Variants in AMBRA1 observed in about 807,000 individuals in gnomAD.
AMBRA1 encodes the protein autophagy and beclin 1 regulator 1.
In AMBRA1, 47 loss-of-function variants were observed where a neutral mutation model predicts 125.4. The observed-to-expected ratio is 0.37, with a 90% CI of 0.30 to 0.48. The LOEUF (loss-of-function observed/expected upper bound fraction) is 0.48, where lower values mean the gene tolerates loss of function less well. Ranked by LOEUF, AMBRA1 falls within the 20% of genes least tolerant of loss-of-function variation. The probability of loss-of-function intolerance (pLI) is 0.99; values close to 1 mark genes in which losing one functional copy is unlikely to be tolerated. For synonymous variants in AMBRA1, 626 were observed against 655.5 expected (o/e 0.95, Z 0.69); for missense variants, 1,331 against 1,693.4 (o/e 0.79, Z 3.76).
chr11:46,526,846 T>C (rs1454716912), intron 7 of AMBRA1, among the ~76,000 whole-genome samples: 1 of 152,252 alleles, frequency 6.6e-6, no homozygotes, highest in East Asian at 1.9e-4. Context: ...TGTAAAACTT[T>C]CAAGCTAGGC....
intron 12 of AMBRA1, among the ~76,000 whole-genome samples, chr11:46,437,714 C>A (rs1947795210): frequency 6.6e-6 from 1 of 152,186 alleles, no homozygotes; most frequent in Non-Finnish European, 1.5e-5. Flanking sequence ...GAAGAGATTT[C>A]TTGGATCTCA....
At chr11:46,551,168 A>C (rs926304017) in intron 1 of AMBRA1, among the ~76,000 whole-genome samples, 1 of 152,110 alleles carries the variant, frequency 6.6e-6, no homozygotes, top group Non-Finnish European at 1.5e-5. Flanking sequence ...GTACAAAACA[A>C]TATATCGAGT....
chr11:46,409,781 G>A (rs1351210979), intron 16 of AMBRA1, among the ~76,000 whole-genome samples: 1 of 152,240 alleles, frequency 6.6e-6, no homozygotes, highest in African/African-American at 2.4e-5. Flanking sequence ...AGTAGCAATT[G>A]CTTTGGGTTT....
chr11:46,467,066 G>A (rs1207656658), intron 11 of AMBRA1, among the ~76,000 whole-genome samples: 4 of 151,734 alleles, frequency 2.6e-5, no homozygotes, highest in East Asian at 3.9e-4. Context: ...TAAGGTGCAC[G>A]CCACCACACC....
intron 7 of AMBRA1, among the ~76,000 whole-genome samples, chr11:46,515,275 C>A (rs953227992): frequency 3.3e-5 from 5 of 152,148 alleles, no homozygotes; most frequent in Admixed American, 3.3e-4. Flanking sequence ...GAGTTCAAGA[C>A]CAGCCTGGGC....
chr11:46,469,799 G>C (rs1413671744), intron 11 of AMBRA1, among the ~76,000 whole-genome samples: 1 of 151,368 alleles, frequency 6.6e-6, no homozygotes, highest in East Asian at 1.9e-4. Flanking sequence ...TGAGTAGCTA[G>C]GATTACAGGC....
At chr11:46,571,271 C>A (rs1287227937) in intron 1 of AMBRA1, among the ~76,000 whole-genome samples, 1 of 152,138 alleles carries the variant, frequency 6.6e-6, no homozygotes, top group African/African-American at 2.4e-5. Flanking sequence ...CCAAAAATAA[C>A]CCTGTAATTT....
chr11:46,583,322 C>A (rs2044243530), intron 1 of AMBRA1, among the ~76,000 whole-genome samples: 1 of 151,476 alleles, frequency 6.6e-6, no homozygotes, highest in African/African-American at 2.4e-5. Flanking sequence ...AACTGGATCC[C>A]TTCCTTACAC....
At chr11:46,512,897 T>C (rs1951319222) in intron 7 of AMBRA1, 84 bp from the exon 8 acceptor site, 6 of 1,292,194 alleles carry the variant, frequency 4.6e-6, no homozygotes, top group African/African-American at 3.0e-5. Context: ...GGGAGAGATA[T>C]ATAACTTTCC....
intron 11 of AMBRA1, among the ~76,000 whole-genome samples, chr11:46,461,140 G>C (rs1343469710): frequency 6.6e-6 from 1 of 152,178 alleles, no homozygotes; most frequent in African/African-American, 2.4e-5. Flanking sequence ...CTATTTAGGA[G>C]GCTGAGGTGG....
At chr11:46,488,068 G>A (rs530350812) in intron 11 of AMBRA1, among the ~76,000 whole-genome samples, 2 of 152,222 alleles carry the variant, frequency 1.3e-5, no homozygotes, top group South Asian at 4.1e-4. Flanking sequence ...GACAGAGAGG[G>A]ACAATGGTAA....
At chr11:46,496,780 T>C in intron 9 of AMBRA1, among the ~76,000 whole-genome samples, 1 of 151,900 alleles carries the variant, frequency 6.6e-6, no homozygotes. Flanking sequence ...TATAATTTCT[T>C]TCTGATTCAG....
chr11:46,582,817 G>C (rs1266654203), intron 1 of AMBRA1, among the ~76,000 whole-genome samples: 1 of 151,878 alleles, frequency 6.6e-6, no homozygotes, highest in Non-Finnish European at 1.5e-5. Flanking sequence ...ATAAGGACTG[G>C]TTCTGATCAG....
At chr11:46,581,256 T>C (rs746821491) in intron 1 of AMBRA1, among the ~76,000 whole-genome samples, 1 of 151,914 alleles carries the variant, frequency 6.6e-6, no homozygotes, top group East Asian at 1.9e-4. Context: ...GTATATCACC[T>C]GAGGTCAGAA....
chr11:46,405,658 C>G (rs1190310613), intron 17 of AMBRA1, among the ~76,000 whole-genome samples: 1 of 151,958 alleles, frequency 6.6e-6, no homozygotes, highest in Non-Finnish European at 1.5e-5. Flanking sequence ...CCTAGGAGTT[C>G]AGGACTGCAG....
chr11:46,518,429 CAAAAAAAAAAA>C (rs761919668), intron 7 of AMBRA1: 7,622 of 58,820 alleles, frequency 0.13, 546 homozygotes, highest in African/African-American at 0.27. Context: ...GACTCCGTCT[CAAAAAAAAAAA>C]AAAAAAAAAA....
At position 46,542,804 on chromosome 11, in the gene AMBRA1, T is replaced by C; in HGVS notation, c.1213A>G (p.Arg405Gly). The C allele has an allele frequency of 6.2e-7, 1 of 1,613,840 alleles. No homozygotes were observed. Among genetic ancestry groups the C allele is most frequent in the Admixed American group, 1.7e-5 (1 of 59,982 alleles). Reference sequence around the variant, plus strand: ...CCAGGAGCTATTTCTCGGTGATACCTAGAAGGGTGGCTAGACAGAGGCCCT... The same window carrying C: ...CCAGGAGCTATTTCTCGGTGATACCCAGAAGGGTGGCTAGACAGAGGCCCT... ...LGGPLSSHPS[R>G]YHREIAPGLT... Residue 405 changes from arginine to glycine, a missense_variant, in exon 7 of 18, where the codon AGG (arginine) becomes GGG (glycine). Physicochemically the swap from Arg to Gly is moderately radical, Grantham distance 125 (BLOSUM62 -2). Transcript: ENST00000683756. The surrounding 1 kb of genome is among the most constrained non-coding windows in gnomAD (Gnocchi z 5.9).
chr11:46,486,796 C>T (rs962854384), intron 11 of AMBRA1, among the ~76,000 whole-genome samples: 1 of 152,038 alleles, frequency 6.6e-6, no homozygotes, highest in Non-Finnish European at 1.5e-5. Flanking sequence ...ATCCCAGCCA[C>T]TTGGGAGGCT....
intron 14 of AMBRA1, among the ~76,000 whole-genome samples, chr11:46,419,222 C>G (rs1166702201): frequency 6.6e-6 from 1 of 152,122 alleles, no homozygotes; most frequent in African/African-American, 2.4e-5. Context: ...GGCATATTTT[C>G]TAAGTATGTA....
Sources: gnomAD v4.1 joint callset for allele counts (sites outside exome capture counted in the v4.1 genomes callset) on GRCh38, gnomAD v4.1.1 for gene constraint, Gnocchi (gnomAD v3.1) non-coding constraint, MANE v1.5 for transcripts, NCBI Gene and HGNC (gene_info 2026-07-23, HGNC 2026-07-21) for gene names.